Variants in USP25 observed in about 807,000 individuals in gnomAD.
USP25 encodes the protein ubiquitin specific peptidase 25.
In USP25, 85 loss-of-function variants were observed where a neutral mutation model predicts 158.5. The ratio of observed to expected loss-of-function variants is 0.54; its 90% CI spans 0.45 to 0.64. The LOEUF (loss-of-function observed/expected upper bound fraction) is 0.64, where lower values mean the gene tolerates loss of function less well. USP25 is among the 30% of genes least tolerant of loss of function. USP25 has a pLI of 0.00. For synonymous variants in USP25, 464 were observed against 460.4 expected (o/e 1.01, Z -0.10); for missense variants, 1,242 against 1,327.3 (o/e 0.94, Z 1.00).
rs74630944 is a variant in USP25, at chr21:15,772,829, T to C, written c.269-5075T>C. Among the ~76,000 whole-genome samples the C allele has an allele frequency of 2.1e-3, 323 of 152,274 alleles. 1 individual carries two copies. Among genetic ancestry groups the C allele is most frequent in the African/African-American group, 7.4e-3 (308 of 41,562 alleles). On this transcript the variant is annotated intron_variant, in intron 3 of 25. Coordinates refer to ENST00000400183, the MANE Select transcript of USP25 (RefSeq NM_001283041.3). The stretch of plus-strand genomic sequence containing the variant: ...GTGAATTTGGTATGTGAGGTATCTT[T>C]CAGGATTGCATTTGATATGTGAGGC...
intron 4 of USP25, among the ~76,000 whole-genome samples, chr21:15,791,230 A>G (rs2035573085): frequency 6.6e-6 from 1 of 151,872 alleles, no homozygotes; most frequent in Non-Finnish European, 1.5e-5. Flanking sequence ...ACTAATATCT[A>G]ATTTGTTGAA....
chr21:15,860,417 A>G (rs998199215), intron 20 of USP25, among the ~76,000 whole-genome samples: 15 of 152,244 alleles, frequency 9.9e-5, no homozygotes, highest in Admixed American at 3.3e-4. Flanking sequence ...GGCCTCCCAA[A>G]GTGCTGGGAT....
At chr21:15,867,575 G>A (rs531238954) in intron 22 of USP25, among the ~76,000 whole-genome samples, 130 of 152,156 alleles carry the variant, frequency 8.5e-4, no homozygotes, top group Non-Finnish European at 1.5e-3. Context: ...TACTGGAAAA[G>A]AAGAAACAAA....
chr21:15,807,775 A>G (rs897098655), intron 7 of USP25, among the ~76,000 whole-genome samples: 1 of 152,222 alleles, frequency 6.6e-6, no homozygotes, highest in Middle Eastern at 3.4e-3. Context: ...CCTTACCTTA[A>G]TTATATTGAC....
At chr21:15,740,641 G>GTTTTTTTTTTTTTTTTTTTT (rs60616271) in intron 1 of USP25, among the ~76,000 whole-genome samples, 5 of 41,242 alleles carry the variant, frequency 1.2e-4, no homozygotes, top group Non-Finnish European at 2.2e-4. Context: ...CTTTCTGGCT[G>GTTTTTTTTTTTTTTTTTTTT]TTTTTTTTTT....
At chr21:15,841,847 TAA>T (rs1188301339) in intron 17 of USP25, among the ~76,000 whole-genome samples, 1 of 152,116 alleles carries the variant, frequency 6.6e-6, no homozygotes, top group Non-Finnish European at 1.5e-5. Context: ...GTTGGATATA[TAA>T]GTCTGGAACT....
chr21:15,858,659 C>T (rs539240810), intron 20 of USP25, among the ~76,000 whole-genome samples: 16 of 151,530 alleles, frequency 1.1e-4, no homozygotes, highest in East Asian at 3.9e-4. Context: ...GGTTTTATTG[C>T]GGTGATCAGA....
At chr21:15,872,839 T>C (rs1157630149) in intron 23 of USP25, among the ~76,000 whole-genome samples, 1 of 152,166 alleles carries the variant, frequency 6.6e-6, no homozygotes, top group Non-Finnish European at 1.5e-5. Flanking sequence ...AGTACATGAA[T>C]TAAGTAATAA....
At chr21:15,781,200 C>G (rs996700131) in intron 4 of USP25, among the ~76,000 whole-genome samples, 1 of 152,166 alleles carries the variant, frequency 6.6e-6, no homozygotes, top group Admixed American at 6.5e-5. Context: ...AATGTGGGCT[C>G]TCCTACGGCC....
At chr21:15,771,490 G>C (rs184553497) in intron 3 of USP25, among the ~76,000 whole-genome samples, 9 of 152,206 alleles carry the variant, frequency 5.9e-5, no homozygotes, top group African/African-American at 2.2e-4. Context: ...TCCCAGACCA[G>C]GGCCTGATGG....
At chr21:15,730,518 G>GCCT in intron 1 of USP25, 80 bp downstream of exon 1, 1 of 1,269,654 alleles carries the variant, frequency 7.9e-7, no homozygotes, top group Non-Finnish European at 1.0e-6. Flanking sequence ...GGGCGCCCCG[G>GCCT]CCTCGCCGCC....
intron 17 of USP25, among the ~76,000 whole-genome samples, chr21:15,841,027 A>G (rs1203394022): frequency 7.2e-5 from 11 of 152,210 alleles, no homozygotes. Context: ...GGGCATTGAA[A>G]GGCTATTGCA....
In USP25 at chr21:15,790,654, T is replaced by C. The variant is rs535864589; in HGVS notation, c.393-848T>C. On this transcript the variant is annotated intron_variant, in intron 4 of 25. Coordinates refer to ENST00000400183, the MANE Select transcript of USP25 (RefSeq NM_001283041.3). Reference sequence around the variant, plus strand: ...AGAATAATAAGTAACAAGTTTCTTTTTTTTTTTTTTTTTGGCTGAAGCCAA... The same window carrying C: ...AGAATAATAAGTAACAAGTTTCTTTCTTTTTTTTTTTTTGGCTGAAGCCAA... Among the ~76,000 whole-genome samples, 9 of 150,334 alleles carry C rather than the reference T, an allele frequency of 6.0e-5. No individual in the cohort carries two copies. The South Asian group carries it at 6.2e-4, about 10-fold the overall frequency.
Position 15,875,169 on chromosome 21 carries a change from ACT to A in USP25, c.3009+646_3009+647del, listed in dbSNP as rs2040052297. 6.6e-6 allele frequency among the ~76,000 whole-genome samples: 1 copy of A among 152,064 alleles called. No homozygotes were observed. The highest frequency in any genetic ancestry group is 6.6e-5 in the Admixed American group (1 of 15,258). ...CCTGGCAACCAGGTGACAGAGCAAG[ACT>A]CTGTCTCAAAAAAACAAGAATATAC... On this transcript the variant is annotated intron_variant, in intron 24 of 25. Coordinates refer to ENST00000400183, the MANE Select transcript of USP25 (RefSeq NM_001283041.3). The surrounding 1 kb of genome is among the most constrained non-coding windows in gnomAD (Gnocchi z 4.7).
intron 14 of USP25, among the ~76,000 whole-genome samples, chr21:15,827,476 C>T (rs1390262284): frequency 2.0e-5 from 3 of 152,116 alleles, no homozygotes; most frequent in Non-Finnish European, 2.9e-5. Context: ...AAATTTATAT[C>T]AAACTGGTAT....
At chr21:15,797,036 T>G (rs1300062174) in intron 5 of USP25, among the ~76,000 whole-genome samples, 1 of 151,450 alleles carries the variant, frequency 6.6e-6, no homozygotes, top group Non-Finnish European at 1.5e-5. Context: ...TTAGCAGCAT[T>G]ATTAGACACA....
At chr21:15,870,181 A>G (rs1161213931) in intron 23 of USP25, 34 bp downstream of exon 23, 2 of 1,514,384 alleles carry the variant, frequency 1.3e-6, no homozygotes, top group South Asian at 1.2e-5. Flanking sequence ...AAAAGAGCAT[A>G]ATTTTTGCAC....
intron 18 of USP25, among the ~76,000 whole-genome samples, chr21:15,846,122 G>GTATA (rs34210530): frequency 2.2e-3 from 121 of 55,694 alleles, no homozygotes; most frequent in Admixed American, 3.0e-3. Context: ...GTGTGTGTGT[G>GTATA]TATATATATA....
chr21:15,811,909 C>T (rs1568836573), intron 9 of USP25, among the ~76,000 whole-genome samples: 3 of 152,112 alleles, frequency 2.0e-5, no homozygotes, highest in Non-Finnish European at 4.4e-5. Context: ...TTTTCCAGAT[C>T]AGCTAAAGTG....
Sources: gnomAD v4.1 joint callset for allele counts (sites outside exome capture counted in the v4.1 genomes callset) on GRCh38, gnomAD v4.1.1 for gene constraint, Gnocchi (gnomAD v3.1) non-coding constraint, MANE v1.5 for transcripts, NCBI Gene and HGNC (gene_info 2026-07-23, HGNC 2026-07-21) for gene names.